The following NYAP2 variants were observed in gnomAD, a reference collection of about 807,000 sequenced individuals.
NYAP2 encodes the protein neuronal tyrosine-phosphorylated phosphoinositide-3-kinase adaptor 2.
NYAP2 carries 23 observed loss-of-function variants against 50.4 expected under a neutral mutation model. That is an observed-to-expected ratio of 0.46 (90% CI 0.33 to 0.65). The LOEUF is 0.65. Among genes scored for constraint, NYAP2 ranks in the 30% least tolerant of loss-of-function variants. The probability of loss-of-function intolerance (pLI) is 0.02; values close to 1 mark genes in which losing one functional copy is unlikely to be tolerated. For synonymous variants in NYAP2, 394 were observed against 365.2 expected (o/e 1.08, Z -0.90); for missense variants, 885 against 861.0 (o/e 1.03, Z -0.35).
At chr2:225,697,263 T>A in the NYAP2 span, among the ~76,000 whole-genome samples, 2 of 152,094 alleles carry the variant, frequency 1.3e-5, no homozygotes, top group Admixed American at 1.3e-4. Flanking sequence ...TGTATCAATA[T>A]ATAGTCCACA....
chr2:225,570,534 A>T (rs948821704), intron 4 of NYAP2, among the ~76,000 whole-genome samples: 1 of 152,172 alleles, frequency 6.6e-6, no homozygotes, highest in African/African-American at 2.4e-5. Flanking sequence ...AGAGAGAATG[A>T]GTGCCAACAG....
intron 3 of NYAP2, among the ~76,000 whole-genome samples, chr2:225,459,620 C>CTATTTATTTATTTATT (rs546809089): frequency 3.3e-5 from 5 of 151,708 alleles, no homozygotes; most frequent in African/African-American, 1.2e-4. Flanking sequence ...ATTTTTTCCT[C>CTATTTATTTATTTATT]TATTTATTTA....
chr2:225,638,208 GAGAGAGAGAGAGAC>G (rs1319882257), intron 6 of NYAP2, among the ~76,000 whole-genome samples: 26 of 149,528 alleles, frequency 1.7e-4, no homozygotes, highest in Middle Eastern at 3.4e-3. Flanking sequence ...GGAGGGGGGT[GAGAGAGAGAGAGAC>G]AGAGAGAGAG....
At chr2:225,690,954 A>G in the NYAP2 span, among the ~76,000 whole-genome samples, 1 of 152,178 alleles carries the variant, frequency 6.6e-6, no homozygotes, top group South Asian at 2.1e-4. Flanking sequence ...TACTTAGTTG[A>G]AAACACGTTT....
intron 4 of NYAP2, among the ~76,000 whole-genome samples, chr2:225,531,332 C>T (rs1204907159): frequency 6.6e-6 from 1 of 152,150 alleles, no homozygotes. Context: ...CAACAAATTT[C>T]CACTCATCCC....
At chr2:225,543,725 G>A (rs1034335844) in intron 4 of NYAP2, among the ~76,000 whole-genome samples, 3 of 152,056 alleles carry the variant, frequency 2.0e-5, no homozygotes, top group African/African-American at 7.2e-5. Flanking sequence ...GGAGAAAAAT[G>A]TGTATTTTTC....
intron 4 of NYAP2, among the ~76,000 whole-genome samples, chr2:225,526,499 C>T (rs1430909315): frequency 6.6e-6 from 1 of 152,076 alleles, no homozygotes; most frequent in African/African-American, 2.4e-5. Context: ...CATATGTAGC[C>T]CTTTGAATAG....
intron 6 of NYAP2, among the ~76,000 whole-genome samples, chr2:225,628,323 T>TG (rs1463187890): frequency 1.4e-4 from 20 of 146,186 alleles, no homozygotes; most frequent in African/African-American, 4.0e-4. Flanking sequence ...TAGTTTTTTT[T>TG]TTTTTTTTTT....
At chr2:225,589,945 GATGT>G (rs1692467889) in intron 5 of NYAP2, among the ~76,000 whole-genome samples, 1 of 152,014 alleles carries the variant, frequency 6.6e-6, no homozygotes, top group Non-Finnish European at 1.5e-5. Context: ...AGGACTCCTG[GATGT>G]ACGGTAACTT....
At chr2:225,655,338 A>G (rs1693805050), downstream of NYAP2, among the ~76,000 whole-genome samples, 1 of 152,208 alleles carries the variant, frequency 6.6e-6, no homozygotes, top group Non-Finnish European at 1.5e-5. Context: ...GAGTAAATAG[A>G]CTAGACATGG....
At chr2:225,614,575 A>C (rs2106249577) in intron 5 of NYAP2, among the ~76,000 whole-genome samples, 1 of 152,310 alleles carries the variant, frequency 6.6e-6, no homozygotes, top group African/African-American at 2.4e-5. Context: ...GAGCTAACAA[A>C]AGCATCACAT....
chr2:225,467,008 T>G (rs184264327), intron 3 of NYAP2, among the ~76,000 whole-genome samples: 101 of 152,266 alleles, frequency 6.6e-4, no homozygotes, highest in Admixed American at 1.4e-3. Flanking sequence ...AATGTGCTGT[T>G]TGACCTTTTG....
intron 3 of NYAP2, among the ~76,000 whole-genome samples, chr2:225,452,900 A>G (rs1689677179): frequency 6.6e-6 from 1 of 152,168 alleles, no homozygotes; most frequent in Non-Finnish European, 1.5e-5. Flanking sequence ...TCTGGACGGC[A>G]CAGTAACCAA....
intron 3 of NYAP2, among the ~76,000 whole-genome samples, chr2:225,434,440 A>G (rs747301625): frequency 1.3e-5 from 2 of 152,244 alleles, no homozygotes; most frequent in Admixed American, 6.5e-5. Flanking sequence ...ACACTTGTGC[A>G]ATTAAAAGTA....
At chr2:225,485,971 A>G (rs1481121164) in intron 3 of NYAP2, among the ~76,000 whole-genome samples, 1 of 152,154 alleles carries the variant, frequency 6.6e-6, no homozygotes, top group Non-Finnish European at 1.5e-5. Flanking sequence ...AGTCAGAACT[A>G]TCTCTAGATA....
intron 3 of NYAP2, among the ~76,000 whole-genome samples, chr2:225,508,440 C>T (rs1041924685): frequency 6.6e-6 from 1 of 152,096 alleles, no homozygotes; most frequent in African/African-American, 2.4e-5. Context: ...TTTCTGAATG[C>T]CGGAGGAATT....
At chr2:225,643,997 T>G (rs1253545620) in intron 6 of NYAP2, among the ~76,000 whole-genome samples, 4 of 147,408 alleles carry the variant, frequency 2.7e-5, no homozygotes, top group Non-Finnish European at 6.0e-5. Flanking sequence ...TTTCTAGTTC[T>G]AGATCCCTGA....
chr2:225,695,761 T>C, the NYAP2 span, among the ~76,000 whole-genome samples: 1 of 151,956 alleles, frequency 6.6e-6, no homozygotes, highest in Non-Finnish European at 1.5e-5. Context: ...CTGAGCCACT[T>C]TGACAGTCTC....
chr2:225,490,062 C>T (rs1574640797), intron 3 of NYAP2, among the ~76,000 whole-genome samples: 2 of 152,322 alleles, frequency 1.3e-5, no homozygotes, highest in Admixed American at 6.5e-5. Context: ...ATCCAAGTGA[C>T]CTGCAGTTAA....
Sources: allele counts gnomAD v4.1 joint callset (sites outside exome capture counted in the v4.1 genomes callset), GRCh38; gene constraint gnomAD v4.1.1; transcripts MANE v1.5; gene names NCBI Gene and HGNC (gene_info 2026-07-23, HGNC 2026-07-21).